VEZT: variants seen among roughly 807,000 people sequenced by gnomAD.
VEZT encodes the protein vezatin.
VEZT carries 39 observed loss-of-function variants against 79.9 expected under a neutral mutation model. The ratio of observed to expected loss-of-function variants is 0.49; its 90% CI spans 0.38 to 0.64. The LOEUF (loss-of-function observed/expected upper bound fraction) is 0.64. VEZT is among the 30% of genes least tolerant of loss of function. VEZT has a pLI of 0.00. For synonymous variants in VEZT, 325 were observed against 327.6 expected, an observed-to-expected ratio of 0.99 and a Z score of 0.09; for missense variants, 837 against 893.1, an observed-to-expected ratio of 0.94 and a Z score of 0.80.
At chr12:95,268,248 C>T (rs2065901459) in intron 5 of VEZT, among the ~76,000 whole-genome samples, 1 of 152,172 alleles carries the variant, frequency 6.6e-6, no homozygotes, top group Non-Finnish European at 1.5e-5. Flanking sequence ...GTAATCCCAG[C>T]ACTTTGGGAG....
In VEZT at chr12:95,300,699, T is replaced by C. The variant is rs1490538551; in HGVS notation, c.*26T>C. ...GAACCAAGATTCATATGAAGTGATA[T>C]TAGATTGTTCCTTTTACAAAAGTGT... On this transcript the variant is annotated 3_prime_UTR_variant, in exon 12 of 12. Transcript: ENST00000436874. The C allele has an allele frequency of 3.3e-6, 5 of 1,537,882 alleles. No individual in the cohort carries two copies. Among genetic ancestry groups the C allele is most frequent in the Non-Finnish European group, 4.4e-6 (5 of 1,145,926 alleles).
chr12:95,290,602 C>T (rs2072490475), intron 9 of VEZT: 1 of 152,104 alleles, frequency 6.6e-6, no homozygotes, highest in African/African-American at 2.4e-5. Flanking sequence ...GAACAGAAAA[C>T]AGATCAGTAG....
At chr12:95,245,985 AAGCT>A (rs1462618923) in intron 1 of VEZT, among the ~76,000 whole-genome samples, 1 of 152,202 alleles carries the variant, frequency 6.6e-6, no homozygotes, top group African/African-American at 2.4e-5. Context: ...TCTCAAATAA[AAGCT>A]AACCAGCAAT....
intron 1 of VEZT, among the ~76,000 whole-genome samples, chr12:95,234,772 G>A (rs56057503): frequency 0.067 from 10,213 of 152,176 alleles, 440 homozygotes; most frequent in Middle Eastern, 0.12. Flanking sequence ...GTGAACAAAG[G>A]TCTCTGGTTT....
intron 2 of VEZT, among the ~76,000 whole-genome samples, chr12:95,252,733 G>A (rs1367521926): frequency 2.0e-5 from 3 of 152,268 alleles, no homozygotes; most frequent in Non-Finnish European, 2.9e-5. Context: ...GGGAGGCCAA[G>A]GCGAGTGGAT....
chr12:95,287,130 A>G (rs1290126146), intron 8 of VEZT, among the ~76,000 whole-genome samples: 1 of 152,236 alleles, frequency 6.6e-6, no homozygotes, highest in African/African-American at 2.4e-5. Context: ...TATGCAAGAA[A>G]TATTTGTTGA....
chr12:95,223,033 T>C (rs535909886), intron 1 of VEZT, among the ~76,000 whole-genome samples: 1 of 152,358 alleles, frequency 6.6e-6, no homozygotes, highest in East Asian at 1.9e-4. Context: ...CAGTGTAATA[T>C]AGTTAAAGAT....
At chr12:95,263,667 A>G (rs1308915374) in intron 4 of VEZT, 1 of 152,274 alleles carries the variant, frequency 6.6e-6, no homozygotes, top group African/African-American at 2.4e-5. Context: ...GAAAAAAAAA[A>G]GAATTTATTT....
Position 95,271,166 on chromosome 12 carries a change from TTTTCTCTCTC to T in VEZT, c.848+994_848+1003del, listed in dbSNP as rs565092573. ...TGTAGGACTTATGACTTGAAACCATTTTTCTCTCTCTTTCTCTCTCTTTCTATATATATAT... is the reference window on the plus strand; with the variant it reads ...TGTAGGACTTATGACTTGAAACCATTTTTCTCTCTCTTTCTATATATATAT... On this transcript the variant is annotated intron_variant, in intron 6 of 11. Transcript: ENST00000436874. 6.6e-3 allele frequency among the ~76,000 whole-genome samples: 1,004 copies of T among 152,272 alleles called. 1 individual carries two copies. Among genetic ancestry groups the T allele is most frequent in the Non-Finnish European group, 0.011 (723 of 68,024 alleles).
At chr12:95,261,863 A>G (rs1304261781) in intron 3 of VEZT, among the ~76,000 whole-genome samples, 1 of 152,244 alleles carries the variant, frequency 6.6e-6, no homozygotes, top group Non-Finnish European at 1.5e-5. Context: ...TCTCCCCTAC[A>G]TAATGGAGAG....
rs1006958299 is a variant in VEZT, at chr12:95,279,563, G to A, written c.997-2750G>A. ...AAAGAAATACATATTTCTGAGTTCT[G>A]GTTTAAGTGGGTAATGTGACAGTGA... On this transcript the variant is annotated intron_variant, in intron 7 of 11. Transcript: ENST00000436874. 7.9e-5 allele frequency among the ~76,000 whole-genome samples: 12 copies of A among 152,160 alleles called. No individual in the cohort carries two copies. The East Asian group carries it at 2.1e-3, about 27-fold the overall frequency.
intron 11 of VEZT, chr12:95,297,044 G>A (rs2074300083): frequency 1.3e-5 from 2 of 152,286 alleles, no homozygotes; most frequent in South Asian, 4.1e-4. Flanking sequence ...GAGCACTTTA[G>A]TAGATGGGAG....
At chr12:95,225,435 T>C (rs1168101615) in intron 1 of VEZT, among the ~76,000 whole-genome samples, 1 of 152,072 alleles carries the variant, frequency 6.6e-6, no homozygotes, top group Non-Finnish European at 1.5e-5. Context: ...CGGGCGCCTG[T>C]AGTCCCAGCT....
At chr12:95,248,553 G>A (rs770558532) in intron 1 of VEZT, among the ~76,000 whole-genome samples, 92 of 152,196 alleles carry the variant, frequency 6.0e-4, no homozygotes, top group Non-Finnish European at 1.6e-4. Context: ...TGGGGTCACT[G>A]ATGAGAGAGC....
chr12:95,223,913 A>G (rs2058015524), intron 1 of VEZT, among the ~76,000 whole-genome samples: 1 of 152,150 alleles, frequency 6.6e-6, no homozygotes, highest in Non-Finnish European at 1.5e-5. Context: ...TTCTTGAGTT[A>G]AAAACCTAAA....
chr12:95,243,795 T>C (rs956144818), intron 1 of VEZT: 1 of 348,134 alleles, frequency 2.9e-6, no homozygotes, highest in Non-Finnish European at 5.7e-6. Context: ...GTGAGTGAGT[T>C]CTTGCTCTCT....
At chr12:95,278,942 T>C (rs1227123028) in intron 7 of VEZT, among the ~76,000 whole-genome samples, 1 of 152,156 alleles carries the variant, frequency 6.6e-6, no homozygotes, top group African/African-American at 2.4e-5. Context: ...TGGTGGTGCA[T>C]GCCTGTAATC....
chr12:95,226,982 C>G (rs916467657), intron 1 of VEZT, among the ~76,000 whole-genome samples: 1 of 152,132 alleles, frequency 6.6e-6, no homozygotes, highest in Non-Finnish European at 1.5e-5. Flanking sequence ...ACCTCTCAGG[C>G]TAAACAGCAA....
At chr12:95,238,568 A>G (rs1192616528) in intron 1 of VEZT, among the ~76,000 whole-genome samples, 1 of 152,226 alleles carries the variant, frequency 6.6e-6, no homozygotes, top group Non-Finnish European at 1.5e-5. Flanking sequence ...AAAAACTTGA[A>G]TGTATACATT....
Sources: allele counts gnomAD v4.1 joint callset (sites outside exome capture counted in the v4.1 genomes callset), GRCh38; gene constraint gnomAD v4.1.1; transcripts MANE v1.5; gene names NCBI Gene and HGNC (gene_info 2026-07-23, HGNC 2026-07-21).